The following RNF4 variants were observed in gnomAD, a reference collection of about 807,000 sequenced individuals.
RNF4 encodes the protein ring finger protein 4, also known as E3 ubiquitin-protein ligase RNF4.
Under a neutral mutation model 24.3 loss-of-function variants are expected in RNF4, and 7 were observed. The ratio of observed to expected loss-of-function variants is 0.29; its 90% CI spans 0.16 to 0.54. The LOEUF is 0.54. Ranked by LOEUF, RNF4 falls within the 20% of genes least tolerant of loss-of-function variation. The probability of loss-of-function intolerance (pLI) is 0.95; values close to 1 mark genes in which losing one functional copy is unlikely to be tolerated. For missense variants in RNF4, 209 were observed against 248.5 expected, an observed-to-expected ratio of 0.84 and a Z score of 1.07; for synonymous variants, 83 against 84.3, an observed-to-expected ratio of 0.98 and a Z score of 0.09.
chr4:2,486,800 C>CT (rs1735422956), intron 1 of RNF4, among the ~76,000 whole-genome samples: 1 of 152,174 alleles, frequency 6.6e-6, no homozygotes, highest in African/African-American at 2.4e-5. Context: ...GCTCTGCAGG[C>CT]TGATTTCTCT....
chr4:2,510,461 G>A (rs1248155246), intron 4 of RNF4, among the ~76,000 whole-genome samples: 1 of 152,198 alleles, frequency 6.6e-6, no homozygotes, highest in African/African-American at 2.4e-5. Context: ...AGAGGCCTGG[G>A]CTCAAGACAT....
intron 2 of RNF4, among the ~76,000 whole-genome samples, chr4:2,496,631 T>C (rs552926637): frequency 2.0e-5 from 3 of 152,166 alleles, no homozygotes; most frequent in South Asian, 2.1e-4. Context: ...CAGCTAACTT[T>C]TGTATTTTCA....
chr4:2,514,488 T>C lies in RNF4; in HGVS notation c.*669T>C, dbSNP rs1459422358. On this transcript the variant is annotated 3_prime_UTR_variant, in exon 8 of 8. Coordinates refer to ENST00000314289, the MANE Select transcript of RNF4 (RefSeq NM_002938.5). ...TTCAGCAGCCCACAAGATGTAGCAC[T>C]ATTAGTGTCCCCCTCAGAGGCTTAA... 1 of 153,872 alleles carries C rather than the reference T, an allele frequency of 6.5e-6. No homozygotes were observed. Among genetic ancestry groups the C allele is most frequent in the Non-Finnish European group, 1.5e-5 (1 of 68,936 alleles). The allele number at this position is 153,872 out of a possible 1,614,324, so 9.5% of individuals were successfully genotyped here. A position where few individuals can be genotyped will look rare whatever the true frequency, so the allele number is the denominator to read the frequency against.
intron 1 of RNF4, chr4:2,471,221 C>G (rs1339033508): frequency 6.6e-6 from 1 of 152,254 alleles, no homozygotes; most frequent in Non-Finnish European, 1.5e-5. Flanking sequence ...CCTGCCTCGG[C>G]CTCCCAAAGT....
intron 1 of RNF4, among the ~76,000 whole-genome samples, chr4:2,477,050 G>GCCCGCCTCAGCCTCCCAAA (rs1735099755): frequency 6.6e-6 from 1 of 152,038 alleles, no homozygotes; most frequent in Admixed American, 6.6e-5. Flanking sequence ...CCAAAGTGCT[G>GCCCGCCTCAGCCTCCCAAA]GGATTATAAG....
intron 4 of RNF4, among the ~76,000 whole-genome samples, chr4:2,506,924 G>A (rs770305176): frequency 6.6e-6 from 1 of 152,138 alleles, no homozygotes; most frequent in South Asian, 2.1e-4. Flanking sequence ...CTGGCTAGAA[G>A]CAATGCAGTG....
chr4:2,489,454 C>T (rs1735514909), intron 1 of RNF4, among the ~76,000 whole-genome samples: 1 of 152,188 alleles, frequency 6.6e-6, no homozygotes, highest in African/African-American at 2.4e-5. Flanking sequence ...TATGCTACTT[C>T]AGTACGTTCC....
intron 3 of RNF4, 194 bp downstream of exon 3, chr4:2,497,315 G>A (rs1181267935): frequency 2.2e-6 from 1 of 463,202 alleles, no homozygotes; most frequent in Non-Finnish European, 3.9e-6. Context: ...CTCTGGTAAT[G>A]TGCAGCAGTG....
chr4:2,490,439 C>T lies in RNF4; in HGVS notation c.-55C>T, dbSNP rs1333473108. 4.4e-6 allele frequency: 7 copies of T among 1,599,692 alleles called. No homozygotes were observed. In the African/African-American group the frequency reaches 8.0e-5, roughly 18 times the overall value. ...TGAGAACATTTGACTTCCCTGCAAACCTTGGTATAGATCACTTCCTTTTCT... is the reference window on the plus strand; with the variant it reads ...TGAGAACATTTGACTTCCCTGCAAATCTTGGTATAGATCACTTCCTTTTCT... On this transcript the variant is annotated 5_prime_UTR_variant, in exon 2 of 8. Transcript: ENST00000314289.
chr4:2,473,127 A>G (rs1306806288), intron 1 of RNF4, among the ~76,000 whole-genome samples: 1 of 152,074 alleles, frequency 6.6e-6, no homozygotes, highest in Non-Finnish European at 1.5e-5. Context: ...CACGCCTGTA[A>G]TCCCAGCACT....
At chr4:2,497,967 G>A (rs1340668645) in intron 3 of RNF4, among the ~76,000 whole-genome samples, 1 of 152,090 alleles carries the variant, frequency 6.6e-6, no homozygotes, top group African/African-American at 2.4e-5. Flanking sequence ...AAGAAACTTA[G>A]TGCAAGATAA....
chr4:2,503,006 A>G (rs1376274699), intron 4 of RNF4, among the ~76,000 whole-genome samples: 3 of 152,078 alleles, frequency 2.0e-5, no homozygotes, highest in Admixed American at 1.3e-4. Flanking sequence ...GCATGCCACC[A>G]TACACTACTA....
intron 4 of RNF4, among the ~76,000 whole-genome samples, chr4:2,504,855 A>C (rs1264679614): frequency 6.8e-6 from 1 of 146,576 alleles, no homozygotes; most frequent in East Asian, 2.0e-4. Flanking sequence ...GCCTCAGCCT[A>C]TTGAGTAGCT....
intron 4 of RNF4, chr4:2,505,726 T>C (rs1736080078): frequency 1.0e-4 from 6 of 58,242 alleles, no homozygotes; most frequent in Non-Finnish European, 1.7e-4. Context: ...GGTCTGCCTT[T>C]TTTTTTTTTT....
At chr4:2,510,845 C>T (rs1325547109) in intron 4 of RNF4, among the ~76,000 whole-genome samples, 1 of 152,196 alleles carries the variant, frequency 6.6e-6, no homozygotes, top group African/African-American at 2.4e-5. Context: ...ACGTTTGAAA[C>T]TGTTGGAGCA....
intron 1 of RNF4, among the ~76,000 whole-genome samples, chr4:2,471,779 C>T (rs182719200): frequency 8.5e-5 from 13 of 152,246 alleles, no homozygotes; most frequent in African/African-American, 1.9e-4. Flanking sequence ...AAGCCTAATC[C>T]GGAGCAAGGT....
intron 4 of RNF4, 130 bp downstream of exon 4, chr4:2,500,868 G>GT: frequency 1.3e-6 from 1 of 751,180 alleles, no homozygotes; most frequent in Non-Finnish European, 2.2e-6. Flanking sequence ...CATGCATCTT[G>GT]TGGAATTGAG....
chr4:2,469,585 T>C (rs1205425291), intron 1 of RNF4: 1 of 152,082 alleles, frequency 6.6e-6, no homozygotes, highest in African/African-American at 2.4e-5. Context: ...ACTTGGAAAG[T>C]CGGGCAGGAT....
At chr4:2,476,281 T>TAC (rs1560399162) in intron 1 of RNF4, among the ~76,000 whole-genome samples, 1 of 152,222 alleles carries the variant, frequency 6.6e-6, no homozygotes, top group African/African-American at 2.4e-5. Context: ...AGTACCTTCT[T>TAC]GATGTCTTCC....
Sources: gnomAD v4.1 joint callset for allele counts (sites outside exome capture counted in the v4.1 genomes callset) on GRCh38, gnomAD v4.1.1 for gene constraint, MANE v1.5 for transcripts, NCBI Gene and HGNC (gene_info 2026-07-23, HGNC 2026-07-21) for gene names.